The following AMBRA1 variants were observed in gnomAD, a reference collection of about 807,000 sequenced individuals.
AMBRA1 encodes activating molecule in BECN1-regulated autophagy protein 1.
AMBRA1 carries 47 observed loss-of-function variants against 125.4 expected under a neutral mutation model. The ratio of observed to expected loss-of-function variants is 0.37; its 90% CI spans 0.30 to 0.48. The LOEUF is 0.48. Among genes scored for constraint, AMBRA1 ranks in the 20% least tolerant of loss-of-function variants. AMBRA1 has a pLI of 0.99. For missense variants in AMBRA1, 1,331 were observed against 1,693.4 expected (o/e 0.79, Z 3.76); for synonymous variants, 626 against 655.5 (o/e 0.95, Z 0.69).
intron 1 of AMBRA1, among the ~76,000 whole-genome samples, chr11:46,571,687 CTTTTT>C (rs543760300): frequency 2.4e-5 from 3 of 123,910 alleles, no homozygotes; most frequent in African/African-American, 6.2e-5. Flanking sequence ...ATCAATCAAT[CTTTTT>C]TTTTTTTTTT....
rs775583513 is a variant in AMBRA1 at position 46,435,005 on chromosome 11, T to C, written c.2665A>G (p.Ile889Val). The change falls in exon 13 of 18, where the codon ATC becomes GTC. Residue 889 changes from isoleucine (I) to valine (V), a missense_variant. Coordinates refer to ENST00000683756, the MANE Select transcript of AMBRA1 (RefSeq NM_001387011.1). ...SVNVLVQNCK[I>V]YNDASCDISA... is the part of the protein sequence containing the mutation. ...ATGTCACAGCTGGCATCATTGTAGA[T>C]CTTGCAGTTCTGCACCAGCACATTC... The C allele has an allele frequency of 1.2e-5, 20 of 1,613,020 alleles. No individual in the cohort carries two copies. In the South Asian group the frequency reaches 1.9e-4, roughly 15 times the overall value.
intron 1 of AMBRA1, among the ~76,000 whole-genome samples, 169 bp from the exon 2 acceptor site, chr11:46,548,669 C>G (rs1364846841): frequency 6.6e-6 from 1 of 152,202 alleles, no homozygotes; most frequent in East Asian, 1.9e-4. Context: ...TTCATACTCT[C>G]ATATTCTCCA....
intron 17 of AMBRA1, among the ~76,000 whole-genome samples, chr11:46,400,712 C>G (rs1449081513): frequency 6.6e-6 from 1 of 151,908 alleles, no homozygotes; most frequent in Non-Finnish European, 1.5e-5. Flanking sequence ...GTCTTGAACT[C>G]CTGGGCTCAA....
At chr11:46,481,968 T>C (rs937083003) in intron 11 of AMBRA1, among the ~76,000 whole-genome samples, 5 of 152,262 alleles carry the variant, frequency 3.3e-5, no homozygotes, top group African/African-American at 1.2e-4. Flanking sequence ...GTTTACCAAA[T>C]TTGAAATATC....
intron 1 of AMBRA1, among the ~76,000 whole-genome samples, chr11:46,559,253 T>C (rs2043253584): frequency 6.6e-6 from 1 of 151,328 alleles, no homozygotes; most frequent in South Asian, 2.1e-4. Flanking sequence ...TGAGCCGAGA[T>C]CACGCCACTG....
chr11:46,430,593 C>T (rs1201909426), intron 14 of AMBRA1, among the ~76,000 whole-genome samples: 2 of 152,170 alleles, frequency 1.3e-5, no homozygotes, highest in Non-Finnish European at 2.9e-5. Context: ...TAGCAATTAG[C>T]AATTCATTTT....
At chr11:46,430,096 C>T (rs1947380522) in intron 14 of AMBRA1, among the ~76,000 whole-genome samples, 1 of 152,022 alleles carries the variant, frequency 6.6e-6, no homozygotes, top group South Asian at 2.1e-4. Context: ...CAAAAGGACC[C>T]TAGATCCTAG....
At chr11:46,431,984 T>C (rs1217893388) in intron 14 of AMBRA1, among the ~76,000 whole-genome samples, 1 of 152,216 alleles carries the variant, frequency 6.6e-6, no homozygotes, top group Non-Finnish European at 1.5e-5. Context: ...TTACCCATCA[T>C]TGGTTCTGCT....
intron 11 of AMBRA1, among the ~76,000 whole-genome samples, chr11:46,492,663 C>A (rs535286269): frequency 6.6e-6 from 1 of 152,324 alleles, no homozygotes; most frequent in East Asian, 1.9e-4. Context: ...TCTCTAGAGA[C>A]TGACCAGAAG....
intron 14 of AMBRA1, among the ~76,000 whole-genome samples, chr11:46,430,042 T>C (rs80237103): frequency 6.6e-6 from 1 of 152,002 alleles, no homozygotes; most frequent in African/African-American, 2.4e-5. Flanking sequence ...TTACCCATCA[T>C]TAAAACTGGG....
At chr11:46,444,472 G>A (rs775820079) in intron 11 of AMBRA1, among the ~76,000 whole-genome samples, 2 of 152,020 alleles carry the variant, frequency 1.3e-5, no homozygotes, top group Admixed American at 6.6e-5. Flanking sequence ...TCCTTCTGAG[G>A]TGCATTTCAT....
At chr11:46,526,529 T>TA (rs914613860) in intron 7 of AMBRA1, among the ~76,000 whole-genome samples, 21 of 90,990 alleles carry the variant, frequency 2.3e-4, no homozygotes, top group Admixed American at 5.8e-4. Context: ...ACAAGAAATA[T>TA]AAAAAAAAAA....
intron 14 of AMBRA1, among the ~76,000 whole-genome samples, chr11:46,420,649 G>A (rs1231012175): frequency 6.6e-6 from 1 of 152,170 alleles, no homozygotes; most frequent in Non-Finnish European, 1.5e-5. Context: ...AATTGTGGCT[G>A]GGATCACTTA....
intron 1 of AMBRA1, among the ~76,000 whole-genome samples, chr11:46,577,592 T>C (rs921637484): frequency 6.6e-6 from 1 of 152,062 alleles, no homozygotes; most frequent in Non-Finnish European, 1.5e-5. Flanking sequence ...CATTTTAAGA[T>C]GGCTAAATTT....
chr11:46,428,025 A>G (rs1947241463), intron 14 of AMBRA1, among the ~76,000 whole-genome samples: 1 of 151,406 alleles, frequency 6.6e-6, no homozygotes, highest in East Asian at 1.9e-4. Flanking sequence ...AAAAAAAAAA[A>G]AAAAAAGTAA....
intron 11 of AMBRA1, among the ~76,000 whole-genome samples, chr11:46,472,168 C>G (rs1949624540): frequency 6.6e-6 from 1 of 152,202 alleles, no homozygotes; most frequent in Admixed American, 6.5e-5. Context: ...GCTGCTGTGA[C>G]CGCTTCTATT....
intron 12 of AMBRA1, among the ~76,000 whole-genome samples, chr11:46,439,389 T>C (rs1352988433): frequency 6.6e-6 from 1 of 151,964 alleles, no homozygotes; most frequent in Admixed American, 6.6e-5. Context: ...CAGAAATATA[T>C]CTAAATACAG....
At chr11:46,526,051 C>T (rs1048103323) in intron 7 of AMBRA1, among the ~76,000 whole-genome samples, 3 of 150,102 alleles carry the variant, frequency 2.0e-5, no homozygotes, top group Non-Finnish European at 3.0e-5. Flanking sequence ...ACTAAAAATA[C>T]AAAATTAGCC....
Position 46,569,668 on chromosome 11 carries a change from G to A in AMBRA1, c.-120-21168C>T, listed in dbSNP as rs569408622. Reference sequence around the variant, plus strand: ...GTGGCTCATGGATATTTGTAATCCCGGCACTTTGGGAGGCTAAGGTGGGTG... The same window carrying A: ...GTGGCTCATGGATATTTGTAATCCCAGCACTTTGGGAGGCTAAGGTGGGTG... On this transcript the variant is annotated intron_variant, in intron 1 of 17. Transcript: ENST00000683756. 3.3e-5 allele frequency among the ~76,000 whole-genome samples: 5 copies of A among 151,870 alleles called. No individual in the cohort carries two copies. In the East Asian group the frequency reaches 5.8e-4, roughly 18 times the overall value.
Sources: gnomAD v4.1 joint callset for allele counts (sites outside exome capture counted in the v4.1 genomes callset) on GRCh38, gnomAD v4.1.1 for gene constraint, MANE v1.5 for transcripts, NCBI Gene and HGNC (gene_info 2026-07-23, HGNC 2026-07-21) for gene names.